SHLD1: variants seen among roughly 807,000 people sequenced by gnomAD.
The protein encoded by SHLD1 is RINN1-REV7-interacting novel NHEJ regulator 3.
Under a neutral mutation model 5.5 loss-of-function variants are expected in SHLD1, and 3 were observed. The observed-to-expected ratio is 0.54, with a 90% CI of 0.25 to 1.40. SHLD1 has a LOEUF of 1.40. Among genes scored for constraint, SHLD1 ranks in the 40% most tolerant of loss-of-function variants. The pLI is 0.15. For missense variants in SHLD1, 210 were observed against 244.4 expected (o/e 0.86, Z 0.94); for synonymous variants, 92 against 94.3 (o/e 0.98, Z 0.14).
At position 5,807,975 on chromosome 20, in the gene SHLD1, CAA is replaced by C. The variant is rs1467460766; in HGVS notation, c.178+34935_178+34936del. On this transcript the variant is annotated intron_variant, in intron 2 of 2. Transcript: ENST00000303142. ...AAAATCGTTATAAAAATAAACAGTA[CAA>C]AAGAGTATAAAATGAAATGTAAGGG... is the stretch of plus-strand genomic sequence containing the variant. Among the ~76,000 whole-genome samples, 19 of 152,180 alleles carry C rather than the reference CAA, an allele frequency of 1.2e-4. No individual in the cohort carries two copies. The East Asian group carries it at 3.7e-3, about 29-fold the overall frequency.
chr20:5,863,402 C>G lies in SHLD1; in HGVS notation c.557C>G (p.Pro186Arg). 6.2e-7 allele frequency: 1 copy of G among 1,613,678 alleles called. No homozygotes were observed. Residue 186 changes from proline (P) to arginine (R), a missense_variant, in exon 3 of 3, where the codon CCA (proline) becomes CGA (arginine). Physicochemically the swap from Pro to Arg is moderately radical, Grantham distance 103. Transcript: ENST00000303142. ...STSLDDEKPN[P>R]GLSKDITHFL... is the part of the protein sequence containing the mutation. ...TCTTTGGATGATGAAAAGCCAAACC[C>G]AGGACTGTCAAAGGATATTACTCAT...
chr20:5,774,773 C>T (rs1299780547), intron 2 of SHLD1, among the ~76,000 whole-genome samples: 33 of 152,304 alleles, frequency 2.2e-4, no homozygotes, highest in Admixed American at 2.2e-3. Flanking sequence ...GGCCCCACTT[C>T]CAACACTGGG....
chr20:5,795,634 G>A (rs6038287), intron 2 of SHLD1, among the ~76,000 whole-genome samples: 43,457 of 143,716 alleles, frequency 0.3, 6,645 homozygotes, highest in Middle Eastern at 0.35. Flanking sequence ...ATCAGGCTGT[G>A]TAAGTTTCAT....
At chr20:5,807,662 C>G (rs531996370) in intron 2 of SHLD1, among the ~76,000 whole-genome samples, 3 of 152,158 alleles carry the variant, frequency 2.0e-5, no homozygotes, top group Non-Finnish European at 4.4e-5. Flanking sequence ...TGTGGAATCT[C>G]CCAGTTTGGC....
intron 2 of SHLD1, among the ~76,000 whole-genome samples, chr20:5,811,847 C>G (rs1376550737): frequency 7.0e-6 from 1 of 142,244 alleles, no homozygotes; most frequent in Non-Finnish European, 1.6e-5. Context: ...CAATGTGAAA[C>G]TGTGTCTCTG....
At position 5,839,421 on chromosome 20, in the gene SHLD1, A is replaced by G. The variant is rs1042424188; in HGVS notation, c.179-23603A>G. ...GATACAGTTTAATGTTTTTATTCTT[A>G]TATCTGGGTCATAGAGAGATGAATG... On this transcript the variant is annotated intron_variant, in intron 2 of 2. Transcript: ENST00000303142. Among the ~76,000 whole-genome samples, 7 of 152,140 alleles carry G rather than the reference A, an allele frequency of 4.6e-5. 1 individual carries two copies. The highest frequency in any genetic ancestry group is 4.1e-4 in the South Asian group (2 of 4,822).
intron 2 of SHLD1, among the ~76,000 whole-genome samples, chr20:5,859,363 CT>C (rs2088131160): frequency 6.6e-6 from 1 of 152,182 alleles, no homozygotes; most frequent in Admixed American, 6.5e-5. Flanking sequence ...TGTTTACATC[CT>C]TGACCCCACT....
chr20:5,777,090 G>A (rs1328893764), intron 2 of SHLD1, among the ~76,000 whole-genome samples: 1 of 151,786 alleles, frequency 6.6e-6, no homozygotes, highest in African/African-American at 2.4e-5. Flanking sequence ...CCTGGTTAAA[G>A]CAATTCTCCT....
At chr20:5,851,158 T>A (rs938566637) in intron 2 of SHLD1, among the ~76,000 whole-genome samples, 2 of 152,132 alleles carry the variant, frequency 1.3e-5, no homozygotes, top group African/African-American at 2.4e-5. Context: ...TCAGGAAAGA[T>A]TATTGGAACC....
At chr20:5,776,281 T>A (rs1200767097) in intron 2 of SHLD1, among the ~76,000 whole-genome samples, 1 of 152,138 alleles carries the variant, frequency 6.6e-6, no homozygotes, top group Non-Finnish European at 1.5e-5. Flanking sequence ...GGGTGGCTTC[T>A]CACAGCTCCA....
intron 2 of SHLD1, among the ~76,000 whole-genome samples, chr20:5,794,855 A>C (rs928998791): frequency 3.3e-5 from 5 of 152,022 alleles, no homozygotes; most frequent in Admixed American, 1.3e-4. Context: ...AGGGTGATAT[A>C]AATCAGTGAG....
chr20:5,825,334 TG>T, intron 2 of SHLD1, among the ~76,000 whole-genome samples: 1 of 152,334 alleles, frequency 6.6e-6, no homozygotes, highest in Middle Eastern at 3.4e-3. Context: ...ACTGGGTGGC[TG>T]CAGGCTCCTG....
At chr20:5,754,056 C>A (rs1983919222) in intron 1 of SHLD1, among the ~76,000 whole-genome samples, 1 of 152,202 alleles carries the variant, frequency 6.6e-6, no homozygotes, top group African/African-American at 2.4e-5. Context: ...TGAGCCACCA[C>A]ACCTAGCCAT....
At chr20:5,809,504 G>T (rs1323916823) in intron 2 of SHLD1, among the ~76,000 whole-genome samples, 1 of 152,018 alleles carries the variant, frequency 6.6e-6, no homozygotes, top group Non-Finnish European at 1.5e-5. Context: ...AGAGGTTATT[G>T]TCACTCTGCC....
Position 5,855,088 on chromosome 20 carries a change from G to T in SHLD1, c.179-7936G>T, listed in dbSNP as rs939184784. Among the ~76,000 whole-genome samples the T allele has an allele frequency of 6.6e-6, 1 of 151,714 alleles. No individual in the cohort carries two copies. The highest frequency in any genetic ancestry group is 1.5e-5 in the Non-Finnish European group (1 of 67,952). On this transcript the variant is annotated intron_variant, in intron 2 of 2. Transcript: ENST00000303142. This position sits in a 1 kb window ranked among gnomAD's most constrained non-coding sequence, Gnocchi z 4.4. ...AGGCAGGGTCTTGCTATGTTGCCTA[G>T]GTTGGTCTCAAACTCCTGGCTTCAA...
At chr20:5,847,576 T>TG (rs2087947126) in intron 2 of SHLD1, among the ~76,000 whole-genome samples, 1 of 151,400 alleles carries the variant, frequency 6.6e-6, no homozygotes, top group African/African-American at 2.4e-5. Context: ...AAAGAGAGAG[T>TG]GAAAAAAAGT....
At chr20:5,780,903 G>C (rs1412027409) in intron 2 of SHLD1, among the ~76,000 whole-genome samples, 1 of 152,138 alleles carries the variant, frequency 6.6e-6, no homozygotes, top group Non-Finnish European at 1.5e-5. Context: ...CCCAACTGCC[G>C]CATCACTGTT....
chr20:5,837,288 A>T (rs1337331650), intron 2 of SHLD1, among the ~76,000 whole-genome samples: 1 of 152,218 alleles, frequency 6.6e-6, no homozygotes, highest in Non-Finnish European at 1.5e-5. Context: ...TTGACTCTCC[A>T]AAACCTTTTT....
intron 2 of SHLD1, among the ~76,000 whole-genome samples, chr20:5,812,942 G>A (rs34485350): frequency 6.6e-6 from 1 of 151,518 alleles, no homozygotes; most frequent in South Asian, 2.1e-4. Context: ...TGATATAATC[G>A]TGGCTTACCA....
Sources: allele counts gnomAD v4.1 joint callset (sites outside exome capture counted in the v4.1 genomes callset), GRCh38; gene constraint gnomAD v4.1.1; non-coding constraint Gnocchi (gnomAD v3.1); transcripts MANE v1.5; gene names NCBI Gene and HGNC (gene_info 2026-07-23, HGNC 2026-07-21).